Variants in MED14 observed in about 807,000 individuals in gnomAD.
MED14 encodes mediator complex subunit 14.
In MED14, 8 loss-of-function variants were observed where a neutral mutation model predicts 109.0. That is an observed-to-expected ratio of 0.07 (90% confidence interval 0.04 to 0.13). MED14 has a LOEUF of 0.13. Among genes scored for constraint, MED14 ranks in the 10% least tolerant of loss-of-function variants. The probability of loss-of-function intolerance (pLI) is 1.00; values close to 1 mark genes in which losing one functional copy is unlikely to be tolerated. For missense variants in MED14, 711 were observed against 1,142.4 expected, an observed-to-expected ratio of 0.62 and a Z score of 5.44; for synonymous variants, 399 against 408.7, an observed-to-expected ratio of 0.98 and a Z score of 0.29.
intron 23 of MED14, among the ~76,000 whole-genome samples, chrX:40,669,735 T>C (rs780769080): frequency 1.8e-5 from 2 of 111,293 alleles, no homozygotes; most frequent in East Asian, 5.6e-4. Context: ...TTTGGAAGAG[T>C]CTACCATCTT....
chrX:40,713,737 C>T (rs755034444), intron 5 of MED14, 41 bp downstream of exon 5: 1 of 1,200,578 alleles, frequency 8.3e-7, no homozygotes, highest in South Asian at 1.8e-5. Context: ...GCCACCGCAC[C>T]TGGCCATCAA....
intron 21 of MED14, among the ~76,000 whole-genome samples, chrX:40,678,299 T>C (rs184015883): frequency 9.7e-6 from 1 of 102,848 alleles, no homozygotes; most frequent in African/African-American, 4.0e-5. Flanking sequence ...CTTGATATGT[T>C]TGAACATACT....
At chrX:40,673,269 T>C (rs183202769) in intron 22 of MED14, among the ~76,000 whole-genome samples, 25 of 112,608 alleles carry the variant, frequency 2.2e-4, no homozygotes, top group African/African-American at 5.5e-4. Context: ...TCTGACTTGG[T>C]ATTAAGTGTC....
At chrX:40,690,898 G>A (rs1930477691) in intron 15 of MED14, among the ~76,000 whole-genome samples, 1 of 112,149 alleles carries the variant, frequency 8.9e-6, no homozygotes, top group African/African-American at 3.2e-5. Flanking sequence ...CCCAATCCCT[G>A]TTCTAAAGCA....
intron 23 of MED14, among the ~76,000 whole-genome samples, chrX:40,668,023 G>A (rs979019926): frequency 9.9e-5 from 11 of 111,433 alleles, no homozygotes; most frequent in Non-Finnish European, 1.7e-4. Context: ...TTTAGTTTTG[G>A]CCATGCTGAG....
chrX:40,706,123 T>C (rs146137542), intron 10 of MED14, among the ~76,000 whole-genome samples: 1,309 of 111,448 alleles, frequency 0.012, 5 homozygotes, highest in Middle Eastern at 0.047. Flanking sequence ...GATTTAAGGG[T>C]GACTGCGCTA....
rs556018115 is a variant in MED14, at chrX:40,676,209, G to A, written c.2881-848C>T. Among the ~76,000 whole-genome samples the A allele has an allele frequency of 1.6e-4, 18 of 111,776 alleles. No individual in the cohort carries two copies. The South Asian group carries it at 6.3e-3, about 39-fold the overall frequency. ...TAAGATGGGAGGACTGCTTGAGCCCGGGAAGTTGAGGCTGCAGTGAGCCGT... is the reference window on the plus strand; with the variant it reads ...TAAGATGGGAGGACTGCTTGAGCCCAGGAAGTTGAGGCTGCAGTGAGCCGT... On this transcript the variant is annotated intron_variant, in intron 21 of 30. Transcript: ENST00000324817.
chrX:40,732,818 G>A (rs955893216), intron 1 of MED14, among the ~76,000 whole-genome samples: 4 of 110,699 alleles, frequency 3.6e-5, no homozygotes, highest in South Asian at 3.8e-4. Context: ...TAATGTGGTC[G>A]GAACAGGATA....
intron 1 of MED14, among the ~76,000 whole-genome samples, chrX:40,732,641 GTGGTGGCGCA>G (rs1046821105): frequency 2.7e-5 from 3 of 110,755 alleles, no homozygotes; most frequent in African/African-American, 6.6e-5. Context: ...TTAGCTGGGC[GTGGTGGCGCA>G]TGCCTGTAGT....
intron 23 of MED14, among the ~76,000 whole-genome samples, chrX:40,668,383 CAAAAAA>C (rs779386609): frequency 2.3e-5 from 1 of 43,304 alleles, no homozygotes; most frequent in African/African-American, 1.0e-4. Context: ...ACTCTGTCTC[CAAAAAA>C]AAAAAAAAAA....
intron 30 of MED14, among the ~76,000 whole-genome samples, chrX:40,653,260 G>T (rs1222649746): frequency 3.6e-5 from 4 of 111,440 alleles, no homozygotes. Context: ...TTTGATTCTT[G>T]AGGACCTATT....
intron 16 of MED14, among the ~76,000 whole-genome samples, chrX:40,684,132 C>T (rs1283499994): frequency 9.0e-6 from 1 of 111,474 alleles, no homozygotes; most frequent in South Asian, 3.7e-4. Context: ...GGTTCAGACC[C>T]CTTAATTCAG....
intron 25 of MED14, among the ~76,000 whole-genome samples, chrX:40,663,938 G>A (rs1929382450): frequency 9.0e-6 from 1 of 111,365 alleles, no homozygotes; most frequent in Admixed American, 9.6e-5. Flanking sequence ...CAGCCCCTAG[G>A]TAGCTTCAGG....
chrX:40,713,590 G>A (rs764840852), intron 5 of MED14, among the ~76,000 whole-genome samples, 188 bp downstream of exon 5: 3 of 111,398 alleles, frequency 2.7e-5, no homozygotes, highest in East Asian at 2.8e-4. Flanking sequence ...TTACAGGTGC[G>A]GGCCACCGCA....
chrX:40,729,288 G>A (rs768781434), intron 2 of MED14, 31 bp downstream of exon 2: 3 of 1,182,331 alleles, frequency 2.5e-6, no homozygotes, highest in Non-Finnish European at 3.4e-6. Flanking sequence ...TCAATAAAGA[G>A]ACTTTAAGGG....
intron 3 of MED14, among the ~76,000 whole-genome samples, chrX:40,724,169 T>C (rs772363079): frequency 1.4e-4 from 16 of 112,263 alleles, no homozygotes; most frequent in Non-Finnish European, 3.0e-4. Flanking sequence ...TATCCAACAC[T>C]GGAACACCCA....
intron 23 of MED14, among the ~76,000 whole-genome samples, chrX:40,667,834 G>A (rs888335653): frequency 3.6e-5 from 4 of 111,664 alleles, no homozygotes; most frequent in African/African-American, 9.8e-5. Flanking sequence ...GTTGGATTCT[G>A]GGTAAATTCT....
At chrX:40,666,944 G>T in intron 23 of MED14, 93 bp from the exon 24 acceptor site, 1 of 786,569 alleles carries the variant, frequency 1.3e-6, no homozygotes, top group Non-Finnish European at 1.8e-6. Context: ...ATAAATTAAA[G>T]AAACAAGTAG....
chrX:40,692,115 C>T lies in MED14; in HGVS notation c.1980+68G>A. On this transcript the variant is annotated intron_variant, in intron 15 of 30. Transcript: ENST00000324817. ...CTTTTCCTAATGGAATCTATATATA[C>T]CCTCAGCAACACATTTTAAAAACTA... is the stretch of plus-strand genomic sequence containing the variant. The T allele has an allele frequency of 2.9e-6, 3 of 1,022,425 alleles. 1 individual carries two copies. The South Asian group carries it at 6.4e-5, about 22-fold the overall frequency. The allele number at this position is 1,022,425 out of a possible 1,213,427, so 84.3% of individuals were successfully genotyped here.
Sources: allele counts gnomAD v4.1 joint callset (sites outside exome capture counted in the v4.1 genomes callset), GRCh38; gene constraint gnomAD v4.1.1; transcripts MANE v1.5; gene names NCBI Gene and HGNC (gene_info 2026-07-23, HGNC 2026-07-21).